Variants in EFNB1 observed in about 807,000 individuals in gnomAD.
EFNB1 encodes the protein ephrin-B1.
Under a neutral mutation model 18.1 loss-of-function variants are expected in EFNB1, and 1 was observed. That is an observed-to-expected ratio of 0.06 (90% CI 0.02 to 0.26). EFNB1 has a LOEUF of 0.26. Among genes scored for constraint, EFNB1 ranks in the 10% least tolerant of loss-of-function variants. The pLI, the probability that EFNB1 is intolerant of heterozygous loss-of-function variation, is 1.00. For synonymous variants in EFNB1, 131 were observed against 127.5 expected (o/e 1.03, Z -0.19); for missense variants, 221 against 301.8 (o/e 0.73, Z 1.98).
At position 68,841,954 on chromosome X, in the gene EFNB1, A is replaced by T. The variant is rs763246013; in HGVS notation, c.*1300A>T. The stretch of plus-strand genomic sequence containing the variant: ...CTGGCCAGCTGCCCACCCCAGTGCC[A>T]GGTGGGAGAGGGAGCAGAACAGCCA... On this transcript the variant is annotated 3_prime_UTR_variant, in exon 5 of 5. Coordinates refer to ENST00000204961, the MANE Select transcript of EFNB1 (RefSeq NM_004429.5). 8.8e-6 allele frequency: 1 copy of T among 113,268 alleles called. No individual in the cohort carries two copies. Among genetic ancestry groups the T allele is most frequent in the Non-Finnish European group, 1.9e-5 (1 of 53,339 alleles). 9.3% of individuals were successfully genotyped at this position (113,268 alleles called of 1,213,427 possible). A position where few individuals can be genotyped will look rare whatever the true frequency, so the allele number is the denominator to read the frequency against.
At chrX:68,835,199 G>T (rs1440020093) in intron 1 of EFNB1, among the ~76,000 whole-genome samples, 1 of 110,997 alleles carries the variant, frequency 9.0e-6, no homozygotes, top group African/African-American at 3.3e-5. Flanking sequence ...TGGCGCCCTG[G>T]GGTCCCAGGG....
intron 1 of EFNB1, among the ~76,000 whole-genome samples, chrX:68,837,793 T>A (rs1396213778): frequency 8.9e-6 from 1 of 112,284 alleles, no homozygotes; most frequent in Non-Finnish European, 1.9e-5. Context: ...TCTTCTATGA[T>A]CTGTTGTCTC....
intron 1 of EFNB1, among the ~76,000 whole-genome samples, chrX:68,835,055 T>A (rs1196816704): frequency 8.9e-6 from 1 of 112,157 alleles, no homozygotes; most frequent in Non-Finnish European, 1.9e-5. Flanking sequence ...ATCCCAGGAT[T>A]CTTTGTGGCA....
Position 68,840,715 on chromosome X carries a change from G to A in EFNB1, c.*61G>A, listed in dbSNP as rs1308985733. On this transcript the variant is annotated 3_prime_UTR_variant, in exon 5 of 5. Transcript: ENST00000204961. Reference sequence around the variant, plus strand: ...CGGCCTGGACCGGACCTCTCCTTTCGCCCCCACACCCCCTCCCCTTGCCAG... The same window carrying A: ...CGGCCTGGACCGGACCTCTCCTTTCACCCCCACACCCCCTCCCCTTGCCAG... 9.0e-6 allele frequency: 10 copies of A among 1,117,283 alleles called. No individual in the cohort carries two copies. The East Asian group carries it at 1.9e-4, about 21-fold the overall frequency. The allele number at this position is 1,117,283 out of a possible 1,213,427, so 92.1% of individuals were successfully genotyped here. A position where few individuals can be genotyped will look rare whatever the true frequency, so the allele number is the denominator to read the frequency against.
At position 68,829,039 on chromosome X, in the gene EFNB1, T is replaced by TG. The variant is rs2080436259; in HGVS notation, c.-735dup. ...GGAGTCTATGCGAGCTGGACAGCAG[T>TG]GGGAGGTTTGTGAGGCTCGCACTGG... is the stretch of plus-strand genomic sequence containing the variant. On this transcript the variant is annotated 5_prime_UTR_variant, in exon 1 of 5. An upstream open reading frame in the 5' UTR gains an earlier in-frame stop. Transcript: ENST00000204961. 9.0e-6 allele frequency: 1 copy of TG among 111,526 alleles called. No individual in the cohort carries two copies. Among genetic ancestry groups the TG allele is most frequent in the African/African-American group, 3.4e-5 (1 of 29,833 alleles). 9.2% of individuals were successfully genotyped at this position (111,526 alleles called of 1,213,427 possible).
chrX:68,838,131 A>ATGTGTGTGTGTGTGTG (rs1193927663), intron 1 of EFNB1, among the ~76,000 whole-genome samples: 1 of 55,548 alleles, frequency 1.8e-5, no homozygotes, highest in Non-Finnish European at 3.2e-5. Flanking sequence ...GTGTGTGTGT[A>ATGTGTGTGTGTGTGTG]TGTGTGTGTG....
chrX:68,831,904 ACT>A (rs1258527026), intron 1 of EFNB1, among the ~76,000 whole-genome samples: 6 of 109,054 alleles, frequency 5.5e-5, no homozygotes, highest in Non-Finnish European at 1.1e-4. Context: ...GTGGCTGAAG[ACT>A]CTCTAGAAAC....
Position 68,838,183 on chromosome X carries a change from G to A in EFNB1, c.129-434G>A, listed in dbSNP as rs868499024. ...TGTGTGTGTGTGTGTGCGCGCGCGC[G>A]CGCGCACGTGTGTATGGGTATAGGA... On this transcript the variant is annotated intron_variant, in intron 1 of 4. Transcript: ENST00000204961. Among the ~76,000 whole-genome samples the A allele has an allele frequency of 2.5e-3, 257 of 102,124 alleles. 3 individuals carry two copies. The highest frequency in any genetic ancestry group is 0.011 in the South Asian group (26 of 2,262). The allele number at this position is 102,124 out of a possible 115,157, so 88.7% of individuals were successfully genotyped here. A position where few individuals can be genotyped will look rare whatever the true frequency, so the allele number is the denominator to read the frequency against.
rs1193927663 is a variant in EFNB1, at chrX:68,838,131, ATG to A, written c.129-445_129-444del. Reference sequence around the variant, plus strand: ...GTGTGGGCTTGCTGTGTGTGTGTGTATGTGTGTGTGTGTGTGTGTGTGTGTGT... The same window carrying A: ...GTGTGGGCTTGCTGTGTGTGTGTGTATGTGTGTGTGTGTGTGTGTGTGTGT... On this transcript the variant is annotated intron_variant, in intron 1 of 4. Transcript: ENST00000204961. Among the ~76,000 whole-genome samples the A allele has an allele frequency of 5.4e-3, 300 of 55,551 alleles. 1 individual carries two copies. Among genetic ancestry groups the A allele is most frequent in the Non-Finnish European group, 6.8e-3 (209 of 30,778 alleles). 48.2% of individuals were successfully genotyped at this position (55,551 alleles called of 115,157 possible).
chrX:68,840,624 G>T lies in EFNB1; in HGVS notation c.1011G>T (p.Gln337His). 1 of 1,209,646 alleles carries T rather than the reference G, an allele frequency of 8.3e-7. No homozygotes were observed. The highest frequency in any genetic ancestry group is 1.1e-6 in the Non-Finnish European group (1 of 894,629). The change falls in exon 5 of 5, where the codon CAG becomes CAT. Residue 337 changes from glutamine (Q) to histidine (H), a missense_variant. Coordinates refer to ENST00000204961, the MANE Select transcript of EFNB1 (RefSeq NM_004429.5). The stretch of plus-strand genomic sequence containing the variant: ...ACATCGTCCAAGAGATGCCGCCCCA[G>T]AGCCCGGCGAACATCTACTACAAGG... The part of the protein sequence containing the change: ...PVYIVQEMPP[Q>H]SPANIYYKV
At chrX:68,834,539 C>G (rs905028253) in intron 1 of EFNB1, among the ~76,000 whole-genome samples, 1 of 113,127 alleles carries the variant, frequency 8.8e-6, no homozygotes, top group African/African-American at 3.2e-5. Context: ...TGGGACATGC[C>G]AGGCCTGCTC....
chrX:68,832,520 T>TG (rs1163490803), intron 1 of EFNB1, among the ~76,000 whole-genome samples: 1 of 109,484 alleles, frequency 9.1e-6, no homozygotes, highest in Non-Finnish European at 1.9e-5. Context: ...GCTTCCTTCT[T>TG]GGGAAAAAAA....
chrX:68,836,757 G>A (rs1011377026), intron 1 of EFNB1, among the ~76,000 whole-genome samples: 2 of 112,157 alleles, frequency 1.8e-5, no homozygotes, highest in African/African-American at 6.5e-5. Flanking sequence ...TTTAAGCACT[G>A]CCTGAAGCCT....
rs1276453959 is a variant in EFNB1 at position 68,829,972 on chromosome X, G to A, written c.128+68G>A. ...CCTTCAGGGTGAGGCCGCACGCCCC[G>A]GAGTGCATGTGGGGAGGTCTTCGGA... On this transcript the variant is annotated intron_variant, in intron 1 of 4. Transcript: ENST00000204961. The A allele has an allele frequency of 3.5e-5, 40 of 1,147,899 alleles. No homozygotes were observed. The African/African-American group carries it at 7.2e-4, about 21-fold the overall frequency. 94.6% of individuals were successfully genotyped at this position (1,147,899 alleles called of 1,213,427 possible).
chrX:68,840,081 C>A lies in EFNB1; in HGVS notation c.621C>A (p.Gly207=). 2.5e-6 allele frequency: 3 copies of A among 1,211,926 alleles called. No individual in the cohort carries two copies. Among genetic ancestry groups the A allele is most frequent in the Non-Finnish European group, 3.3e-6 (3 of 895,530 alleles). Residue 207 remains glycine, a synonymous_variant, in exon 4 of 5, where the codon GGC becomes GGA. Coordinates refer to ENST00000204961, the MANE Select transcript of EFNB1 (RefSeq NM_004429.5). ...GSRGSLGDSD[G]KHETVNQEEK... ...GGGGCTCCCTGGGTGACTCTGATGG[C>A]AAGCATGGTAAGTGTATGTGTTTCC...
intron 2 of EFNB1, among the ~76,000 whole-genome samples, chrX:68,839,335 C>G (rs2080470504): frequency 8.9e-6 from 1 of 112,098 alleles, no homozygotes; most frequent in African/African-American, 3.2e-5. Context: ...CTCCTGATTC[C>G]TACTCCAGAA....
chrX:68,834,711 G>T (rs763927507), intron 1 of EFNB1, among the ~76,000 whole-genome samples: 3 of 112,887 alleles, frequency 2.7e-5, no homozygotes, highest in African/African-American at 6.4e-5. Flanking sequence ...AGTGGTCGTG[G>T]GGTCACTGAA....
chrX:68,834,667 C>T (rs893531158), intron 1 of EFNB1, among the ~76,000 whole-genome samples: 5 of 112,934 alleles, frequency 4.4e-5, no homozygotes, highest in Admixed American at 9.2e-5. Flanking sequence ...GGTCTGTCCT[C>T]CATTGGTCTT....
intron 1 of EFNB1, among the ~76,000 whole-genome samples, chrX:68,837,175 A>G (rs983165034): frequency 9.0e-6 from 1 of 111,661 alleles, no homozygotes; most frequent in Non-Finnish European, 1.9e-5. Flanking sequence ...TCTGACCCAA[A>G]CTGGACAGTA....
Sources: gnomAD v4.1 joint callset for allele counts (sites outside exome capture counted in the v4.1 genomes callset) on GRCh38, gnomAD v4.1.1 for gene constraint, MANE v1.5 for transcripts, NCBI Gene and HGNC (gene_info 2026-07-23, HGNC 2026-07-21) for gene names.